Variants in LEMD1 observed in about 807,000 individuals in gnomAD.
LEMD1 encodes the protein LEM domain-containing protein 1.
LEMD1 carries 18 observed loss-of-function variants against 17.4 expected under a neutral mutation model. The ratio of observed to expected loss-of-function variants is 1.04; its 90% CI spans 0.72 to 1.54. LEMD1 has a LOEUF of 1.54. LEMD1 is among the 40% of genes most tolerant of loss of function. The probability of loss-of-function intolerance (pLI) is 0.00; values close to 1 mark genes in which losing one functional copy is unlikely to be tolerated. For synonymous variants in LEMD1, 88 were observed against 77.8 expected, an observed-to-expected ratio of 1.13 and a Z score of -0.69; for missense variants, 195 against 210.4, an observed-to-expected ratio of 0.93 and a Z score of 0.45.
chr1:205,444,549 G>A (rs919505116), intron 1 of LEMD1, among the ~76,000 whole-genome samples: 1 of 151,984 alleles, frequency 6.6e-6, no homozygotes, highest in African/African-American at 2.4e-5. Context: ...TTGCACCTCT[G>A]GCAAAAATGG....
At chr1:205,405,304 A>G (rs1170671927) in intron 4 of LEMD1, among the ~76,000 whole-genome samples, 1 of 149,724 alleles carries the variant, frequency 6.7e-6, no homozygotes, top group African/African-American at 2.5e-5. Flanking sequence ...GTATTTTCCA[A>G]CTTGGTTCCA....
intron 4 of LEMD1, chr1:205,385,191 A>AT (rs1417685651): frequency 6.6e-6 from 1 of 151,880 alleles, no homozygotes; most frequent in African/African-American, 2.4e-5. Context: ...TAATATACAC[A>AT]TTTTGTACTG....
intron 4 of LEMD1, among the ~76,000 whole-genome samples, chr1:205,410,774 G>C (rs890035015): frequency 3.3e-5 from 5 of 152,170 alleles, no homozygotes; most frequent in African/African-American, 1.2e-4. Context: ...GCTGAGGCCA[G>C]AGGTTAACTT....
intron 4 of LEMD1, among the ~76,000 whole-genome samples, chr1:205,396,943 AATGT>A (rs1664618021): frequency 6.6e-6 from 1 of 152,182 alleles, no homozygotes; most frequent in South Asian, 2.1e-4. Context: ...TCATATGCAT[AATGT>A]ATTTTATTTT....
chr1:205,441,575 G>C lies in LEMD1; in HGVS notation c.-39+8293C>G, dbSNP rs1332041377. Among the ~76,000 whole-genome samples the C allele has an allele frequency of 1.3e-5, 2 of 152,142 alleles. No individual in the cohort carries two copies. Among genetic ancestry groups the C allele is most frequent in the African/African-American group, 4.8e-5 (2 of 41,434 alleles). Reference sequence around the variant, plus strand: ...TACTTTGACACCTGGGACCGAGTCAGATTCCTCCCTTCCTTAACAACCCCA... The same window carrying C: ...TACTTTGACACCTGGGACCGAGTCACATTCCTCCCTTCCTTAACAACCCCA... On this transcript the variant is annotated intron_variant, in intron 1 of 3. Transcript: ENST00000367154. The surrounding 1 kb of genome is among the most constrained non-coding windows in gnomAD (Gnocchi z 4.3).
At chr1:205,435,072 C>A (rs915963725) in intron 1 of LEMD1, 5 of 152,148 alleles carry the variant, frequency 3.3e-5, no homozygotes, top group African/African-American at 9.7e-5. Flanking sequence ...TAACCATCCA[C>A]GAGTCAGTTC....
chr1:205,431,057 T>C (rs1666119655), intron 1 of LEMD1, among the ~76,000 whole-genome samples: 1 of 152,134 alleles, frequency 6.6e-6, no homozygotes, highest in Non-Finnish European at 1.5e-5. Flanking sequence ...CCCAGCGAGC[T>C]TGGGGGTGGG....
At chr1:205,434,364 A>T (rs982967281) in intron 1 of LEMD1, among the ~76,000 whole-genome samples, 6 of 145,024 alleles carry the variant, frequency 4.1e-5, no homozygotes, top group Non-Finnish European at 7.6e-5. Flanking sequence ...TATATATATT[A>T]TATATATATA....
At chr1:205,385,247 G>A (rs144234581) in intron 4 of LEMD1, 1 of 152,328 alleles carries the variant, frequency 6.6e-6, no homozygotes, top group African/African-American at 2.4e-5. Flanking sequence ...ACCCAGGCTG[G>A]AGTGTAGTGG....
intron 1 of LEMD1, among the ~76,000 whole-genome samples, chr1:205,428,572 G>A (rs936067836): frequency 5.9e-5 from 9 of 152,296 alleles, no homozygotes; most frequent in African/African-American, 2.2e-4. Flanking sequence ...GAACCTTTCA[G>A]AATGTGATAA....
chr1:205,422,346 C>G (rs1433815219), upstream of LEMD1, among the ~76,000 whole-genome samples: 1 of 152,174 alleles, frequency 6.6e-6, no homozygotes. Flanking sequence ...ATCAGACAAA[C>G]CCAACTGTCT....
intron 3 of LEMD1, among the ~76,000 whole-genome samples, chr1:205,417,647 A>G (rs1288412313): frequency 6.6e-6 from 1 of 151,798 alleles, no homozygotes; most frequent in Non-Finnish European, 1.5e-5. Flanking sequence ...GTTTATCCCT[A>G]AACCTTGCCA....
intron 1 of LEMD1, 129 bp downstream of exon 1, chr1:205,421,861 G>C (rs1665973014): frequency 6.6e-6 from 1 of 152,100 alleles, no homozygotes; most frequent in Admixed American, 6.5e-5. Context: ...TGTTTCACCA[G>C]CTTCCCAAAA....
intron 4 of LEMD1, among the ~76,000 whole-genome samples, chr1:205,396,140 A>G (rs937039501): frequency 6.6e-6 from 1 of 152,100 alleles, no homozygotes; most frequent in African/African-American, 2.4e-5. Context: ...CCTGATAAGC[A>G]AGGATTGCAG....
At chr1:205,398,882 G>A (rs1297058884) in intron 4 of LEMD1, among the ~76,000 whole-genome samples, 1 of 152,160 alleles carries the variant, frequency 6.6e-6, no homozygotes, top group East Asian at 1.9e-4. Context: ...AGAGAAGAAA[G>A]TGGTTATTGT....
chr1:205,421,995 C>T lies in LEMD1; in HGVS notation c.-44G>A, dbSNP rs1665977691. 6.6e-6 allele frequency: 1 copy of T among 152,204 alleles called. No homozygotes were observed. Among genetic ancestry groups the T allele is most frequent in the Non-Finnish European group, 1.5e-5 (1 of 68,038 alleles). 9.4% of individuals were successfully genotyped at this position (152,204 alleles called of 1,614,324 possible). A position where few individuals can be genotyped will look rare whatever the true frequency, so the allele number is the denominator to read the frequency against. On this transcript the variant is annotated 5_prime_UTR_variant, in exon 1 of 6. An upstream open reading frame in the 5' UTR loses its in-frame stop. Coordinates refer to ENST00000367153, the MANE Select transcript of LEMD1 (RefSeq NM_001199050.2). The stretch of plus-strand genomic sequence containing the variant: ...TGGATGATTAATTCACTTACCCCTT[C>T]ACATGGTTATCTAAAGTCTATGCAA...
intron 1 of LEMD1, among the ~76,000 whole-genome samples, chr1:205,438,791 C>G (rs1301871513): frequency 6.6e-6 from 1 of 152,084 alleles, no homozygotes. Flanking sequence ...CTCAAGATAT[C>G]TAGTATCCCT....
chr1:205,430,662 C>T (rs1006980530), intron 1 of LEMD1, among the ~76,000 whole-genome samples: 1 of 152,178 alleles, frequency 6.6e-6, no homozygotes, highest in African/African-American at 2.4e-5. Flanking sequence ...AAAGGAAGAG[C>T]CGGTCTTCCA....
At chr1:205,400,606 C>G (rs1664796890) in intron 4 of LEMD1, among the ~76,000 whole-genome samples, 1 of 152,192 alleles carries the variant, frequency 6.6e-6, no homozygotes, top group East Asian at 1.9e-4. Context: ...GTTCCCCCTC[C>G]TGGCACAGAG....
Sources: gnomAD v4.1 joint callset for allele counts (sites outside exome capture counted in the v4.1 genomes callset) on GRCh38, gnomAD v4.1.1 for gene constraint, Gnocchi (gnomAD v3.1) non-coding constraint, MANE v1.5 for transcripts, NCBI Gene and HGNC (gene_info 2026-07-23, HGNC 2026-07-21) for gene names.